The following RIN2 variants were observed in gnomAD, a reference collection of about 807,000 sequenced individuals.
RIN2 encodes the protein RAB5 interacting protein 2.
Under a neutral mutation model 78.0 loss-of-function variants are expected in RIN2, and 36 were observed. The ratio of observed to expected loss-of-function variants is 0.46; its 90% CI spans 0.35 to 0.61. The LOEUF (loss-of-function observed/expected upper bound fraction) is 0.61, where lower values mean the gene tolerates loss of function less well. Among genes scored for constraint, RIN2 ranks in the 20% least tolerant of loss-of-function variants. The pLI is 0.00. For synonymous variants in RIN2, 466 were observed against 466.8 expected (o/e 1.00, Z 0.02); for missense variants, 1,087 against 1,159.7 (o/e 0.94, Z 0.91).
In RIN2 at chr20:19,898,056, G is replaced by A. The variant is rs77985898; in HGVS notation, c.57+8398G>A. 1.7e-3 allele frequency among the ~76,000 whole-genome samples: 259 copies of A among 152,316 alleles called. 1 individual carries two copies. Among genetic ancestry groups the A allele is most frequent in the East Asian group, 7.5e-3 (39 of 5,192 alleles). On this transcript the variant is annotated intron_variant, in intron 3 of 12. Coordinates refer to ENST00000255006, the MANE Select transcript of RIN2 (RefSeq NM_018993.4). ...TGCACACACATGCCTCTCACCATTT[G>A]TTCCAAACATTTCCAGGACTCAAGT... is the stretch of plus-strand genomic sequence containing the variant.
At chr20:19,865,536 A>G (rs1239897297) in intron 2 of RIN2, among the ~76,000 whole-genome samples, 1 of 146,992 alleles carries the variant, frequency 6.8e-6, no homozygotes, top group African/African-American at 2.5e-5. Context: ...AACCCAGGCT[A>G]AAGTGCAGTG....
chr20:19,908,061 A>C (rs895575429), intron 3 of RIN2, among the ~76,000 whole-genome samples: 1 of 152,156 alleles, frequency 6.6e-6, no homozygotes, highest in Non-Finnish European at 1.5e-5. Flanking sequence ...TCATGCCTGT[A>C]ACATTGACCT....
chr20:19,948,689 A>G (rs1055098928), intron 4 of RIN2, among the ~76,000 whole-genome samples: 1 of 152,186 alleles, frequency 6.6e-6, no homozygotes, highest in African/African-American at 2.4e-5. Flanking sequence ...ATCTTACCAT[A>G]GATGATATTA....
chr20:19,945,688 T>A (rs1466663653), intron 4 of RIN2, among the ~76,000 whole-genome samples: 4 of 152,204 alleles, frequency 2.6e-5, no homozygotes, highest in African/African-American at 4.8e-5. Context: ...TTATCATTTT[T>A]TTTTTCACTA....
intron 2 of RIN2, among the ~76,000 whole-genome samples, chr20:19,876,472 C>T (rs1343727587): frequency 6.6e-6 from 1 of 152,108 alleles, no homozygotes; most frequent in Non-Finnish European, 1.5e-5. Context: ...AAAATAGGGC[C>T]TATGGAGAAA....
intron 2 of RIN2, among the ~76,000 whole-genome samples, chr20:19,860,398 C>T (rs1250801174): frequency 1.3e-5 from 2 of 152,190 alleles, no homozygotes; most frequent in East Asian, 1.9e-4. Flanking sequence ...GATCTCGGCT[C>T]ACTGCAACCT....
At chr20:19,816,469 A>G (rs2035770496) in intron 2 of RIN2, among the ~76,000 whole-genome samples, 1 of 152,224 alleles carries the variant, frequency 6.6e-6, no homozygotes. Flanking sequence ...GAGCAGGGAC[A>G]AATGGTTAAC....
At chr20:19,854,865 C>G in intron 2 of RIN2, among the ~76,000 whole-genome samples, 1 of 152,042 alleles carries the variant, frequency 6.6e-6, no homozygotes, top group Non-Finnish European at 1.5e-5. Context: ...AATTGAATAC[C>G]CTTTATTTCT....
intron 9 of RIN2, among the ~76,000 whole-genome samples, chr20:19,984,467 G>T (rs1003867606): frequency 6.6e-6 from 1 of 152,020 alleles, no homozygotes. Flanking sequence ...GTAAAAATAC[G>T]GTAACAGAAT....
intron 1 of RIN2, among the ~76,000 whole-genome samples, chr20:19,771,989 C>T (rs1290979442): frequency 2.0e-5 from 3 of 152,160 alleles, no homozygotes; most frequent in Non-Finnish European, 2.9e-5. Context: ...CACTACCAAG[C>T]CACCTGCATG....
At chr20:19,978,159 T>TA (rs922895666) in intron 9 of RIN2, among the ~76,000 whole-genome samples, 53 of 148,738 alleles carry the variant, frequency 3.6e-4, no homozygotes, top group South Asian at 2.8e-3. Context: ...ATGTCTGCTT[T>TA]AAAAAAAAAA....
chr20:19,852,835 C>A (rs536908021), intron 2 of RIN2, among the ~76,000 whole-genome samples: 1 of 152,196 alleles, frequency 6.6e-6, no homozygotes, highest in East Asian at 1.9e-4. Context: ...AGGTGCTTTA[C>A]ATATTCATCA....
intron 2 of RIN2, among the ~76,000 whole-genome samples, chr20:19,864,806 C>T (rs2037450301): frequency 1.3e-5 from 2 of 152,280 alleles, no homozygotes; most frequent in South Asian, 4.1e-4. Flanking sequence ...GGCCGTCAAA[C>T]CATCATCTTT....
At chr20:19,778,226 T>G (rs560651945) in intron 1 of RIN2, among the ~76,000 whole-genome samples, 1 of 152,304 alleles carries the variant, frequency 6.6e-6, no homozygotes, top group South Asian at 2.1e-4. Context: ...GATGGCAAAT[T>G]CCAGTTGCAT....
chr20:19,877,135 T>C (rs2037883277), intron 2 of RIN2, among the ~76,000 whole-genome samples: 1 of 152,084 alleles, frequency 6.6e-6, no homozygotes, highest in African/African-American at 2.4e-5. Flanking sequence ...CTTCTAACCT[T>C]CCCCCTTGCT....
At chr20:19,993,953 G>C (rs992243589) in intron 11 of RIN2, among the ~76,000 whole-genome samples, 1 of 152,212 alleles carries the variant, frequency 6.6e-6, no homozygotes, top group Non-Finnish European at 1.5e-5. Flanking sequence ...CGATTCTGTT[G>C]CTGACAATGT....
At chr20:19,937,004 A>G (rs1383960700) in intron 4 of RIN2, among the ~76,000 whole-genome samples, 1 of 152,212 alleles carries the variant, frequency 6.6e-6, no homozygotes, top group African/African-American at 2.4e-5. Flanking sequence ...TAACTTACGG[A>G]ATCTTCCTAG....
At chr20:19,986,012 A>G (rs1241942616) in intron 9 of RIN2, among the ~76,000 whole-genome samples, 2 of 152,218 alleles carry the variant, frequency 1.3e-5, no homozygotes, top group African/African-American at 4.8e-5. Flanking sequence ...TGGCTAGAAT[A>G]GTGTCATTGT....
At chr20:19,892,264 T>G (rs1385057925) in intron 3 of RIN2, among the ~76,000 whole-genome samples, 1 of 152,248 alleles carries the variant, frequency 6.6e-6, no homozygotes, top group Non-Finnish European at 1.5e-5. Flanking sequence ...TCACCCAGGC[T>G]GGTGTGCAGT....
Sources: allele counts gnomAD v4.1 joint callset (sites outside exome capture counted in the v4.1 genomes callset), GRCh38; gene constraint gnomAD v4.1.1; transcripts MANE v1.5; gene names NCBI Gene and HGNC (gene_info 2026-07-23, HGNC 2026-07-21).